The following GALNT4 variants were observed in gnomAD, a reference collection of about 807,000 sequenced individuals.
GALNT4 encodes polypeptide N-acetylgalactosaminyltransferase 4, also known as UDP-GalNAc:polypeptide N-acetylgalactosaminyltransferase 4.
A neutral mutation model predicts 45.1 loss-of-function variants in GALNT4; 23 were observed. The observed-to-expected ratio is 0.51, with a 90% CI of 0.37 to 0.72. The LOEUF is 0.72. GALNT4 is among the 30% of genes least tolerant of loss of function. The pLI is 0.00. For synonymous variants in GALNT4, 264 were observed against 257.6 expected (o/e 1.02, Z -0.24); for missense variants, 757 against 709.0 (o/e 1.07, Z -0.77).
Position 89,522,478 on chromosome 12 carries a change from T to C in GALNT4, c.*335A>G. On this transcript the variant is annotated 3_prime_UTR_variant, in exon 1 of 1. Coordinates refer to ENST00000529983, the MANE Select transcript of GALNT4 (RefSeq NM_003774.5). ...ACACATCAACATAAATCATACCTCA[T>C]TTTACTTGGACCTTTACATTCTTTA... 1 of 348,390 alleles carries C rather than the reference T, an allele frequency of 2.9e-6. No homozygotes were observed. The highest frequency in any genetic ancestry group is 5.1e-6 in the Non-Finnish European group (1 of 196,382). 21.6% of individuals were successfully genotyped at this position (348,390 alleles called of 1,614,324 possible).
chr12:89,524,783 C>T lies in GALNT4; in HGVS notation c.-234G>A. 1.6e-6 allele frequency: 1 copy of T among 626,922 alleles called. No homozygotes were observed. The highest frequency in any genetic ancestry group is 2.8e-6 in the Non-Finnish European group (1 of 357,262). 38.8% of individuals were successfully genotyped at this position (626,922 alleles called of 1,614,324 possible). A position where few individuals can be genotyped will look rare whatever the true frequency, so the allele number is the denominator to read the frequency against. On this transcript the variant is annotated 5_prime_UTR_variant, in exon 1 of 1. Coordinates refer to ENST00000529983, the MANE Select transcript of GALNT4 (RefSeq NM_003774.5). ...CTACTTCCTCCTGCTCGGCTCACAACTTTTCACAAACTCTCCAGCCAACAC... is the reference window on the plus strand; with the variant it reads ...CTACTTCCTCCTGCTCGGCTCACAATTTTTCACAAACTCTCCAGCCAACAC...
chr12:89,522,752 C>T lies in GALNT4; in HGVS notation c.*61G>A. 6.6e-7 allele frequency: 1 copy of T among 1,516,830 alleles called. No homozygotes were observed. Among genetic ancestry groups the T allele is most frequent in the Non-Finnish European group, 8.8e-7 (1 of 1,136,006 alleles). 94.0% of individuals were successfully genotyped at this position (1,516,830 alleles called of 1,614,324 possible). A position where few individuals can be genotyped will look rare whatever the true frequency, so the allele number is the denominator to read the frequency against. The stretch of plus-strand genomic sequence containing the variant: ...ATAAAATACAATCTTCACTGAGGCT[C>T]TTAAGGCTCTTTGACTTTCTTGACA... On this transcript the variant is annotated 3_prime_UTR_variant, in exon 1 of 1. Coordinates refer to ENST00000529983, the MANE Select transcript of GALNT4 (RefSeq NM_003774.5).
rs1212473262 is a variant in GALNT4 at position 89,523,148 on chromosome 12, TG to T, written c.1401del (p.Thr468GlnfsTer27). ...CLDYNSPDNN[P>X]TGANLSLFGC... ...CCAAACAGTGAAAGGTTAGCACCTGTGGGGTTGTTGTCAGGAGAATTATAAT... is the reference window on the plus strand; with the variant it reads ...CCAAACAGTGAAAGGTTAGCACCTGTGGGTTGTTGTCAGGAGAATTATAAT... On this transcript the variant is annotated frameshift_variant, in exon 1 of 1. Coordinates refer to ENST00000529983, the MANE Select transcript of GALNT4 (RefSeq NM_003774.5). LOFTEE classifies it high-confidence loss of function. 1 of 1,613,736 alleles carries T rather than the reference TG, an allele frequency of 6.2e-7. No individual in the cohort carries two copies. The highest frequency in any genetic ancestry group is 1.7e-5 in the Admixed American group (1 of 59,998).
rs1280026341 is a variant in GALNT4 at position 89,521,887 on chromosome 12, C to G, written c.*926G>C. On this transcript the variant is annotated 3_prime_UTR_variant, in exon 1 of 1. Transcript: ENST00000529983. ...CACAGCCTTGGTAGAACCTAGCCCA[C>G]TTTCAGTTTCACACATTTTAATAAA... 5.0e-6 allele frequency: 2 copies of G among 397,862 alleles called. No homozygotes were observed. Among genetic ancestry groups the G allele is most frequent in the African/African-American group, 4.1e-5 (2 of 48,630 alleles). The allele number at this position is 397,862 out of a possible 1,614,324, so 24.6% of individuals were successfully genotyped here.
At position 89,521,899 on chromosome 12, in the gene GALNT4, C is replaced by T. The variant is rs1565762564; in HGVS notation, c.*914G>A. The T allele has an allele frequency of 1.0e-5, 4 of 398,004 alleles. No homozygotes were observed. Among genetic ancestry groups the T allele is most frequent in the Non-Finnish European group, 1.8e-5 (4 of 225,980 alleles). 24.7% of individuals were successfully genotyped at this position (398,004 alleles called of 1,614,324 possible). ...AGAACCTAGCCCACTTTCAGTTTCA[C>T]ACATTTTAATAAACATAGTTGGGTT... On this transcript the variant is annotated 3_prime_UTR_variant, in exon 1 of 1. Transcript: ENST00000529983.
rs1870994905 is a variant in GALNT4, at chr12:89,522,780, A to G, written c.*33T>C. 1 of 1,533,902 alleles carries G rather than the reference A, an allele frequency of 6.5e-7. No individual in the cohort carries two copies. Among genetic ancestry groups the G allele is most frequent in the South Asian group, 1.3e-5 (1 of 76,070 alleles). Reference sequence around the variant, plus strand: ...AAGGCTCTTTGACTTTCTTGACACTACTGTCAGCTCATGACGAAAGTGCTG... The same window carrying G: ...AAGGCTCTTTGACTTTCTTGACACTGCTGTCAGCTCATGACGAAAGTGCTG... On this transcript the variant is annotated 3_prime_UTR_variant, in exon 1 of 1. Coordinates refer to ENST00000529983, the MANE Select transcript of GALNT4 (RefSeq NM_003774.5).
rs1870937786 is a variant in GALNT4 at position 89,522,144 on chromosome 12, A to G, written c.*669T>C. On this transcript the variant is annotated 3_prime_UTR_variant, in exon 1 of 1. Coordinates refer to ENST00000529983, the MANE Select transcript of GALNT4 (RefSeq NM_003774.5). ...ATACATCAGTGAAGTCCAATAGCTC[A>G]AGTTTACAAAGTACGGAATGTAAAT... 2.5e-6 allele frequency: 1 copy of G among 398,854 alleles called. No individual in the cohort carries two copies. Among genetic ancestry groups the G allele is most frequent in the Non-Finnish European group, 4.4e-6 (1 of 226,052 alleles). The allele number at this position is 398,854 out of a possible 1,614,324, so 24.7% of individuals were successfully genotyped here.
Position 89,523,595 on chromosome 12 carries a change from T to C in GALNT4, c.955A>G (p.Lys319Glu). ...TACGTTCCAAGGTACTGAAAATATT[T>C]CTTGCTGACAGCAAACAGTCCTCCA... is the stretch of plus-strand genomic sequence containing the variant. ...MAGGLFAVSK[K>E]YFQYLGTYDT... Residue 319 changes from lysine (K) to glutamate (E), a missense_variant, in exon 1 of 1, where the codon AAA becomes GAA. Physicochemically the swap from Lys to Glu is moderately conservative, Grantham distance 56 (BLOSUM62 1). Transcript: ENST00000529983. 1 of 1,565,744 alleles carries C rather than the reference T, an allele frequency of 6.4e-7. No individual in the cohort carries two copies. The highest frequency in any genetic ancestry group is 1.2e-5 in the South Asian group (1 of 81,040).
In GALNT4 at chr12:89,524,376, ATCC is replaced by A. The variant is rs781689208; in HGVS notation, c.171_173del (p.Glu57del). ...GCTTCTTATAAAGCGGTCGAGACAAATCCTCCGTATTTTTCTGGAGGTCTGAGA... is the reference window on the plus strand; with the variant it reads ...GCTTCTTATAAAGCGGTCGAGACAAATCCGTATTTTTCTGGAGGTCTGAGA... On this transcript the variant is annotated inframe_deletion, in exon 1 of 1. Coordinates refer to ENST00000529983, the MANE Select transcript of GALNT4 (RefSeq NM_003774.5). 1 of 1,613,954 alleles carries A rather than the reference ATCC, an allele frequency of 6.2e-7. No homozygotes were observed. Among genetic ancestry groups the A allele is most frequent in the East Asian group, 2.2e-5 (1 of 44,880 alleles).
At position 89,524,509 on chromosome 12, in the gene GALNT4, A is replaced by G. The variant is rs1174747425; in HGVS notation, c.41T>C (p.Leu14Pro). ...RWTWAGKSCLLLAFLTVAYIF... is the reference protein window; with the variant it reads ...RWTWAGKSCLPLAFLTVAYIF... ...ATAGGCCACTGTTAAAAACGCCAGC[A>G]GCAGGCAGCTCTTGCCTGCCCAAGT... Residue 14 changes from leucine to proline, a missense_variant, in exon 1 of 1, where the codon CTG becomes CCG. By Grantham distance (98) the Leu-to-Pro change is moderately conservative. Transcript: ENST00000529983. 1.2e-6 allele frequency: 2 copies of G among 1,612,404 alleles called. No homozygotes were observed. The highest frequency in any genetic ancestry group is 2.2e-5 in the South Asian group (2 of 91,042).
chr12:89,521,993 T>G lies in GALNT4; in HGVS notation c.*820A>C. On this transcript the variant is annotated 3_prime_UTR_variant, in exon 1 of 1. Transcript: ENST00000529983. ...GCATTAACAAAGGGAGGCATAGTAT[T>G]CTGGATGAGTCCCTTTCTAGTACAT... The G allele has an allele frequency of 5.0e-6, 2 of 399,004 alleles. No individual in the cohort carries two copies. The highest frequency in any genetic ancestry group is 8.8e-6 in the Non-Finnish European group (2 of 226,050). The allele number at this position is 399,004 out of a possible 1,614,324, so 24.7% of individuals were successfully genotyped here.
At position 89,522,581 on chromosome 12, in the gene GALNT4, A is replaced by C. The variant is rs1592650792; in HGVS notation, c.*232T>G. On this transcript the variant is annotated 3_prime_UTR_variant, in exon 1 of 1. Transcript: ENST00000529983. ...CTTTTAAGAAGAGACCATATTGACA[A>C]AACTCTTATATAAAACAACCAATAA... The C allele has an allele frequency of 2.4e-6, 1 of 412,542 alleles. No homozygotes were observed. Among genetic ancestry groups the C allele is most frequent in the East Asian group, 3.7e-5 (1 of 26,778 alleles). 25.6% of individuals were successfully genotyped at this position (412,542 alleles called of 1,614,324 possible). A position where few individuals can be genotyped will look rare whatever the true frequency, so the allele number is the denominator to read the frequency against.
chr12:89,524,608 C>G lies in GALNT4; in HGVS notation c.-59G>C. The G allele has an allele frequency of 6.4e-7, 1 of 1,561,540 alleles. No homozygotes were observed. Among genetic ancestry groups the G allele is most frequent in the South Asian group, 1.1e-5 (1 of 88,682 alleles). On this transcript the variant is annotated 5_prime_UTR_variant, in exon 1 of 1. Coordinates refer to ENST00000529983, the MANE Select transcript of GALNT4 (RefSeq NM_003774.5). ...ACCAAGCCACCACGCAGGGGAAGGG[C>G]GGCGGAACCCACAGCTCGAGCTCAG...
chr12:89,520,099 C>A lies in GALNT4; in HGVS notation c.*2714G>T, dbSNP rs1760259376. 1 of 152,086 alleles carries A rather than the reference C, an allele frequency of 6.6e-6. No individual in the cohort carries two copies. The highest frequency in any genetic ancestry group is 2.4e-5 in the African/African-American group (1 of 41,422). 9.4% of individuals were successfully genotyped at this position (152,086 alleles called of 1,614,324 possible). A position where few individuals can be genotyped will look rare whatever the true frequency, so the allele number is the denominator to read the frequency against. On this transcript the variant is annotated 3_prime_UTR_variant, in exon 1 of 1. Coordinates refer to ENST00000529983, the MANE Select transcript of GALNT4 (RefSeq NM_003774.5). ...TAAATATGAAAATGTGAAAGTCCCA[C>A]TTTTCTGTTATGTACTCTATTATGA...
chr12:89,523,726 A>G lies in GALNT4; in HGVS notation c.824T>C (p.Ile275Thr). 6.5e-7 allele frequency: 1 copy of G among 1,549,072 alleles called. No homozygotes were observed. The highest frequency in any genetic ancestry group is 8.7e-7 in the Non-Finnish European group (1 of 1,155,166). Residue 275 changes from isoleucine to threonine, a missense_variant, in exon 1 of 1, where the codon ATT becomes ACT. Physicochemically the swap from Ile to Thr is moderately conservative, Grantham distance 89. Transcript: ENST00000529983. ...EFYMQIGEPM[I>T]GGFDWRLTFQ... ...TGTTAAACGCCAGTCAAACCCACCA[A>G]TCATGGGCTCCCCTATCTGCATATA... is the stretch of plus-strand genomic sequence containing the variant.
chr12:89,523,592 AT>A lies in GALNT4; in HGVS notation c.957del (p.Lys319AsnfsTer101), dbSNP rs1871121774. 2 of 1,567,444 alleles carry A rather than the reference AT, an allele frequency of 1.3e-6. No individual in the cohort carries two copies. Among genetic ancestry groups the A allele is most frequent in the Non-Finnish European group, 1.7e-6 (2 of 1,161,706 alleles). ...MAGGLFAVSKKYFQYLGTYDT... is the reference protein window; with the variant it reads ...MAGGLFAVSKXYFQYLGTYDT... Reference sequence around the variant, plus strand: ...TCATACGTTCCAAGGTACTGAAAATATTTCTTGCTGACAGCAAACAGTCCTC... The same window carrying A: ...TCATACGTTCCAAGGTACTGAAAATATTCTTGCTGACAGCAAACAGTCCTC... On this transcript the variant is annotated frameshift_variant, in exon 1 of 1. Coordinates refer to ENST00000529983, the MANE Select transcript of GALNT4 (RefSeq NM_003774.5). LOFTEE classifies it high-confidence loss of function.
In GALNT4 at chr12:89,522,481, T is replaced by C. The variant is rs1359357013; in HGVS notation, c.*332A>G. On this transcript the variant is annotated 3_prime_UTR_variant, in exon 1 of 1. Coordinates refer to ENST00000529983, the MANE Select transcript of GALNT4 (RefSeq NM_003774.5). Reference sequence around the variant, plus strand: ...CATCAACATAAATCATACCTCATTTTACTTGGACCTTTACATTCTTTAATA... The same window carrying C: ...CATCAACATAAATCATACCTCATTTCACTTGGACCTTTACATTCTTTAATA... 1 of 349,012 alleles carries C rather than the reference T, an allele frequency of 2.9e-6. No homozygotes were observed. The highest frequency in any genetic ancestry group is 5.1e-6 in the Non-Finnish European group (1 of 196,894). 21.6% of individuals were successfully genotyped at this position (349,012 alleles called of 1,614,324 possible).
rs1325511714 is a variant in GALNT4 at position 89,523,229 on chromosome 12, T to C, written c.1321A>G (p.Arg441Gly). The C allele has an allele frequency of 4.3e-6, 7 of 1,613,952 alleles. No homozygotes were observed. In the Admixed American group the frequency reaches 1.0e-4, roughly 23 times the overall value. Reference sequence around the variant, plus strand: ...CGAATAGCCCCATGCCAGCCTGGTCTATCCTCTGGAACATGTAAATTAGGA... The same window carrying C: ...CGAATAGCCCCATGCCAGCCTGGTCCATCCTCTGGAACATGTAAATTAGGA... ...VFPNLHVPED[R>G]PGWHGAIRSR... The change falls in exon 1 of 1, where the codon AGA (arginine) becomes GGA (glycine). Residue 441 changes from arginine to glycine, a missense_variant. Transcript: ENST00000529983.
At position 89,523,824 on chromosome 12, in the gene GALNT4, T is replaced by G. The variant is rs1290021161; in HGVS notation, c.726A>C (p.Glu242Asp). Residue 242 changes from glutamate to aspartate, a missense_variant, in exon 1 of 1, where the codon GAA becomes GAC. Transcript: ENST00000529983. ...CTGCTGTTTCATCTCTCCCAATCCTTTCCAAAAGCGGTTCCAGCCAACCGG... is the reference window on the plus strand; with the variant it reads ...CTGCTGTTTCATCTCTCCCAATCCTGTCCAAAAGCGGTTCCAGCCAACCGG... ...CNSGWLEPLL[E>D]RIGRDETAVV... 1.3e-5 allele frequency: 20 copies of G among 1,541,702 alleles called. No individual in the cohort carries two copies. Among genetic ancestry groups the G allele is most frequent in the African/African-American group, 2.8e-5 (2 of 72,204 alleles).
Sources: gnomAD v4.1 joint callset for allele counts on GRCh38, gnomAD v4.1.1 for gene constraint, MANE v1.5 for transcripts, NCBI Gene and HGNC (gene_info 2026-07-23, HGNC 2026-07-21) for gene names.